LRRC37A2: variants seen among roughly 807,000 people sequenced by gnomAD.
LRRC37A2 encodes the protein leucine rich repeat containing 37 member A2.
LRRC37A2 carries 9 observed loss-of-function variants against 68.8 expected under a neutral mutation model. That is an observed-to-expected ratio of 0.13 (90% CI 0.08 to 0.23). The LOEUF is 0.23. LRRC37A2 is among the 10% of genes least tolerant of loss of function. LRRC37A2 has a pLI of 1.00. For missense variants in LRRC37A2, 168 were observed against 950.4 expected, an observed-to-expected ratio of 0.18 and a Z score of 10.82; for synonymous variants, 63 against 367.6, an observed-to-expected ratio of 0.17 and a Z score of 9.48.
chr17:46,708,466 G>A, the LRRC37A2 span, among the ~76,000 whole-genome samples: 1 of 147,356 alleles, frequency 6.8e-6, no homozygotes, highest in Non-Finnish European at 1.5e-5. Context: ...CTTTTCATAT[G>A]CTTATCAACC....
At chr17:46,975,780 A>C in the LRRC37A2 span, among the ~76,000 whole-genome samples, 2 of 152,126 alleles carry the variant, frequency 1.3e-5, no homozygotes, top group South Asian at 4.1e-4. Context: ...TATTTTTTTA[A>C]ACAGTGGGAG....
At chr17:46,876,187 A>C in the LRRC37A2 span, 1 of 1,486,324 alleles carries the variant, frequency 6.7e-7, no homozygotes, top group African/African-American at 1.4e-5. Flanking sequence ...CTCTGGGGGC[A>C]GGCTCTGGCT....
At chr17:46,738,839 C>T in the LRRC37A2 span, among the ~76,000 whole-genome samples, 2 of 152,274 alleles carry the variant, frequency 1.3e-5, no homozygotes, top group African/African-American at 4.8e-5. Flanking sequence ...CAGTGGCTTA[C>T]GCCTATAATC....
chr17:46,982,150 C>T, the LRRC37A2 span, among the ~76,000 whole-genome samples: 1 of 152,226 alleles, frequency 6.6e-6, no homozygotes, highest in Non-Finnish European at 1.5e-5. Context: ...GCCCTGATCA[C>T]CCCTTGGAGC....
the LRRC37A2 span, among the ~76,000 whole-genome samples, chr17:46,801,657 A>T: frequency 6.7e-6 from 1 of 148,612 alleles, no homozygotes; most frequent in Non-Finnish European, 1.5e-5. Context: ...AAATTAAATT[A>T]AATTAAAATA....
the LRRC37A2 span, chr17:46,930,804 C>G: frequency 2.9e-6 from 1 of 347,996 alleles, no homozygotes; most frequent in Non-Finnish European, 5.3e-6. Flanking sequence ...TTTGGACAAC[C>G]TTTGCATGTT....
chr17:46,985,457 T>A, the LRRC37A2 span, among the ~76,000 whole-genome samples: 1 of 150,854 alleles, frequency 6.6e-6, no homozygotes, highest in African/African-American at 2.4e-5. Context: ...GAGGCGGAGG[T>A]TGCAGTGAGC....
At chr17:46,753,133 C>CT in the LRRC37A2 span, among the ~76,000 whole-genome samples, 1 of 152,126 alleles carries the variant, frequency 6.6e-6, no homozygotes, top group South Asian at 2.1e-4. Flanking sequence ...GACAGAGTGG[C>CT]TGTATTCTAG....
the LRRC37A2 span, among the ~76,000 whole-genome samples, chr17:46,392,417 CTCTCTTTCTTTCTCTCTT>C: frequency 6.8e-5 from 4 of 58,498 alleles, no homozygotes; most frequent in Admixed American, 2.9e-4. Context: ...CTTTCTCTCT[CTCTCTTTCTTTCTCTCTT>C]TCTTTCTTTC....
the LRRC37A2 span, among the ~76,000 whole-genome samples, chr17:46,981,519 C>T: frequency 2.0e-5 from 3 of 152,116 alleles, no homozygotes; most frequent in Admixed American, 6.6e-5. Context: ...GCTGGCCACT[C>T]GATCTTGGAC....
At chr17:47,032,931 C>T in the LRRC37A2 span, among the ~76,000 whole-genome samples, 4 of 152,088 alleles carry the variant, frequency 2.6e-5, no homozygotes, top group East Asian at 7.7e-4. Flanking sequence ...AAGATACAGG[C>T]TCACAGCTGG....
At chr17:47,022,847 TTTC>T in the LRRC37A2 span, among the ~76,000 whole-genome samples, 1 of 152,264 alleles carries the variant, frequency 6.6e-6, no homozygotes, top group Non-Finnish European at 1.5e-5. Flanking sequence ...TATGCTTAGT[TTTC>T]TTGTTACATG....
At chr17:46,480,073 G>C in the LRRC37A2 span, among the ~76,000 whole-genome samples, 3 of 100,464 alleles carry the variant, frequency 3.0e-5, no homozygotes, top group Admixed American at 9.7e-5. Flanking sequence ...CTCACTGCAA[G>C]CTCCACCTTC....
chr17:46,848,677 T>G, the LRRC37A2 span, among the ~76,000 whole-genome samples: 4 of 152,222 alleles, frequency 2.6e-5, no homozygotes, highest in Non-Finnish European at 5.9e-5. Flanking sequence ...AAGGTGTCTG[T>G]GAGTCAGGCT....
chr17:46,846,902 G>A, the LRRC37A2 span, among the ~76,000 whole-genome samples: 4 of 152,102 alleles, frequency 2.6e-5, no homozygotes, highest in African/African-American at 7.2e-5. Context: ...GGCCCTTCCC[G>A]CAGAAGGACA....
At chr17:46,820,984 AC>A in the LRRC37A2 span, 1 of 151,732 alleles carries the variant, frequency 6.6e-6, no homozygotes, top group Non-Finnish European at 1.5e-5. Context: ...ACAGGTGCCA[AC>A]CCTGTGAGGT....
chr17:47,001,597 G>A, the LRRC37A2 span, among the ~76,000 whole-genome samples: 17 of 151,874 alleles, frequency 1.1e-4, no homozygotes, highest in Non-Finnish European at 1.9e-4. Context: ...AGATAGTGAA[G>A]AAAGCCATCC....
the LRRC37A2 span, among the ~76,000 whole-genome samples, chr17:46,499,102 G>A: frequency 6.8e-6 from 1 of 146,806 alleles, no homozygotes; most frequent in African/African-American, 2.7e-5. Flanking sequence ...ATCACTTGAG[G>A]TCAGGTATTT....
the LRRC37A2 span, among the ~76,000 whole-genome samples, chr17:46,807,151 A>T: frequency 6.6e-6 from 1 of 152,182 alleles, no homozygotes; most frequent in Non-Finnish European, 1.5e-5. Context: ...CTCTGAAGAC[A>T]AGACCTTTGT....
Sources: gnomAD v4.1 joint callset for allele counts (sites outside exome capture counted in the v4.1 genomes callset) on GRCh38, gnomAD v4.1.1 for gene constraint, MANE v1.5 for transcripts, NCBI Gene and HGNC (gene_info 2026-07-23, HGNC 2026-07-21) for gene names.